Variants in OPCML observed in about 807,000 individuals in gnomAD.
OPCML encodes opioid binding protein/cell adhesion molecule like.
Under a neutral mutation model 37.8 loss-of-function variants are expected in OPCML, and 13 were observed. That is an observed-to-expected ratio of 0.34 (90% CI 0.22 to 0.55). The LOEUF (loss-of-function observed/expected upper bound fraction) is 0.55. OPCML is among the 20% of genes least tolerant of loss of function. The pLI, the probability that OPCML is intolerant of heterozygous loss-of-function variation, is 0.91. For synonymous variants in OPCML, 176 were observed against 168.8 expected (o/e 1.04, Z -0.33); for missense variants, 341 against 435.6 (o/e 0.78, Z 1.93).
In OPCML at chr11:133,340,606, C is replaced by CTGTG. The variant is rs1329882456; in HGVS notation, c.61+191657_61+191658insCACA. On this transcript the variant is annotated intron_variant, in intron 1 of 7. Transcript: ENST00000524381. Reference sequence around the variant, plus strand: ...ACTCTAGCCCACAAATTAAGACTCTCTCTGTGTGTGTGTGTGTGTGTGTGT... The same window carrying CTGTG: ...ACTCTAGCCCACAAATTAAGACTCTCTGTGTCTGTGTGTGTGTGTGTGTGTGTGT... Among the ~76,000 whole-genome samples, 88 of 109,346 alleles carry CTGTG rather than the reference C, an allele frequency of 8.0e-4. No individual in the cohort carries two copies. The Middle Eastern group carries it at 0.011, about 14-fold the overall frequency. The allele number at this position is 109,346 out of a possible 152,430, so 71.7% of individuals were successfully genotyped here.
intron 1 of OPCML, among the ~76,000 whole-genome samples, chr11:133,401,788 C>G (rs1945410699): frequency 6.6e-6 from 1 of 152,168 alleles, no homozygotes; most frequent in Non-Finnish European, 1.5e-5. Context: ...AATAACCATT[C>G]TCTTTTAGAC....
intron 1 of OPCML, among the ~76,000 whole-genome samples, chr11:133,429,894 G>A (rs1946082292): frequency 6.6e-6 from 1 of 152,150 alleles, no homozygotes; most frequent in Non-Finnish European, 1.5e-5. Context: ...GTTCAGGGGA[G>A]AGACACAGAC....
intron 7 of OPCML, among the ~76,000 whole-genome samples, chr11:132,422,081 T>G (rs2095961420): frequency 6.6e-6 from 1 of 152,194 alleles, no homozygotes; most frequent in Non-Finnish European, 1.5e-5. Flanking sequence ...TCATGACATA[T>G]ATGGCATATA....
intron 2 of OPCML, among the ~76,000 whole-genome samples, chr11:132,942,466 C>T (rs1431666192): frequency 6.6e-6 from 1 of 152,194 alleles, no homozygotes; most frequent in African/African-American, 2.4e-5. Context: ...TGGGCTGACA[C>T]TGGTAATTCC....
chr11:133,056,749 C>T (rs980572798), intron 1 of OPCML, among the ~76,000 whole-genome samples: 70 of 152,150 alleles, frequency 4.6e-4, no homozygotes, highest in African/African-American at 1.7e-3. Context: ...TGTATGGTTC[C>T]GTAAGTGTAA....
In OPCML at chr11:133,495,748, A is replaced by AT. The variant is rs373111207; in HGVS notation, c.61+36515dup. ...TATCCTTAACCCACCTTTTGATGGG[A>AT]TTTTTTTTTTCTTACTGATTTGTTT... is the stretch of plus-strand genomic sequence containing the variant. On this transcript the variant is annotated intron_variant, in intron 1 of 7. Coordinates refer to ENST00000524381, the MANE Select transcript of OPCML (RefSeq NM_001012393.5). Among the ~76,000 whole-genome samples, 357 of 148,368 alleles carry AT rather than the reference A, an allele frequency of 2.4e-3. 2 individuals carry two copies. The highest frequency in any genetic ancestry group is 1.7e-3 in the Non-Finnish European group (116 of 66,652).
intron 1 of OPCML, among the ~76,000 whole-genome samples, chr11:133,511,163 C>T (rs529109402): frequency 7.2e-4 from 110 of 152,332 alleles, no homozygotes; most frequent in African/African-American, 2.5e-3. Context: ...CAGCTACAGC[C>T]ATAATCTTCC....
intron 3 of OPCML, among the ~76,000 whole-genome samples, chr11:132,601,330 C>T (rs561897850): frequency 4.7e-4 from 71 of 152,216 alleles, no homozygotes; most frequent in Non-Finnish European, 6.5e-4. Context: ...GAAGCTCCAC[C>T]TGGGATTACT....
chr11:132,921,037 G>T (rs1428401434), intron 2 of OPCML, among the ~76,000 whole-genome samples: 2 of 152,076 alleles, frequency 1.3e-5, no homozygotes, highest in Non-Finnish European at 2.9e-5. Context: ...TCTACTCCCC[G>T]CCACATGCTG....
chr11:132,524,826 G>A (rs956133175), intron 4 of OPCML, among the ~76,000 whole-genome samples: 1 of 152,178 alleles, frequency 6.6e-6, no homozygotes, highest in African/African-American at 2.4e-5. Context: ...ACTTGGGGAT[G>A]CTTCAAAACT....
chr11:133,329,565 C>A (rs935907530), intron 1 of OPCML, among the ~76,000 whole-genome samples: 9 of 152,010 alleles, frequency 5.9e-5, no homozygotes, highest in African/African-American at 2.2e-4. Flanking sequence ...ACAAACCTGA[C>A]AAAAACAAGC....
chr11:132,743,553 C>T (rs1945507975), intron 2 of OPCML, among the ~76,000 whole-genome samples: 1 of 152,134 alleles, frequency 6.6e-6, no homozygotes, highest in South Asian at 2.1e-4. Context: ...TCCTAAAATA[C>T]TTTTCAAAAA....
chr11:133,243,088 A>C (rs1403996622), intron 1 of OPCML, among the ~76,000 whole-genome samples: 2 of 152,186 alleles, frequency 1.3e-5, no homozygotes, highest in East Asian at 3.9e-4. Flanking sequence ...CAATTTCTTC[A>C]AGCCTGGAGA....
chr11:133,330,221 C>G (rs978082369), intron 1 of OPCML, among the ~76,000 whole-genome samples: 1 of 152,168 alleles, frequency 6.6e-6, no homozygotes, highest in Non-Finnish European at 1.5e-5. Flanking sequence ...AATAGGAACA[C>G]TTTTACACTG....
intron 3 of OPCML, among the ~76,000 whole-genome samples, chr11:132,569,336 G>C (rs73036853): frequency 0.054 from 8,253 of 152,202 alleles, 441 homozygotes; most frequent in African/African-American, 0.12. Flanking sequence ...AACGTGAAAG[G>C]CTTCCGAAGC....
At chr11:132,803,360 G>T (rs1938797236) in intron 2 of OPCML, among the ~76,000 whole-genome samples, 1 of 152,170 alleles carries the variant, frequency 6.6e-6, no homozygotes, top group African/African-American at 2.4e-5. Context: ...TTTTAAACGA[G>T]CTTCTTTTGG....
intron 1 of OPCML, among the ~76,000 whole-genome samples, chr11:133,186,247 GAGA>G (rs1392714995): frequency 6.6e-6 from 1 of 152,180 alleles, no homozygotes; most frequent in Non-Finnish European, 1.5e-5. Flanking sequence ...AGCTCCAAAA[GAGA>G]AGTTTTTACA....
At chr11:133,227,507 G>A (rs1322776465) in intron 1 of OPCML, among the ~76,000 whole-genome samples, 2 of 152,120 alleles carry the variant, frequency 1.3e-5, no homozygotes, top group East Asian at 1.9e-4. Context: ...CTTGAATTGG[G>A]GAGGTGATTT....
In OPCML at chr11:132,644,258, G is replaced by A. The variant is rs76562074; in HGVS notation, c.379+12829C>T. 7.0e-3 allele frequency among the ~76,000 whole-genome samples: 1,059 copies of A among 152,110 alleles called. 17 individuals are homozygous for A. Among genetic ancestry groups the A allele is most frequent in the African/African-American group, 0.025 (1,027 of 41,506 alleles). ...TGGGTGTGGTGGCAGGCACCACCAC[G>A]ATTTAGGTGACATTCTAGGAGCAGT... On this transcript the variant is annotated intron_variant, in intron 3 of 7. Transcript: ENST00000524381.
Sources: gnomAD v4.1 joint callset for allele counts (sites outside exome capture counted in the v4.1 genomes callset) on GRCh38, gnomAD v4.1.1 for gene constraint, MANE v1.5 for transcripts, NCBI Gene and HGNC (gene_info 2026-07-23, HGNC 2026-07-21) for gene names.